RBFOX1: variants seen among roughly 807,000 people sequenced by gnomAD.
The protein encoded by RBFOX1 is RNA binding fox-1 homolog 1, also known as RNA binding protein fox-1 homolog 1.
Under a neutral mutation model 57.7 loss-of-function variants are expected in RBFOX1, and 8 were observed. That is an observed-to-expected ratio of 0.14 (90% CI 0.08 to 0.25). The LOEUF (loss-of-function observed/expected upper bound fraction) is 0.25, where lower values mean the gene tolerates loss of function less well. RBFOX1 is among the 10% of genes least tolerant of loss of function. RBFOX1 has a pLI of 1.00. For missense variants in RBFOX1, 611 were observed against 548.5 expected, an observed-to-expected ratio of 1.11 and a Z score of -1.14; for synonymous variants, 326 against 222.4, an observed-to-expected ratio of 1.47 and a Z score of -4.15.
chr16:5,721,601 G>C (rs940457093), intron 3 of RBFOX1, among the ~76,000 whole-genome samples: 3 of 152,084 alleles, frequency 2.0e-5, no homozygotes, highest in African/African-American at 4.8e-5. Flanking sequence ...ACCTGGGAGT[G>C]TTTTCATAGA....
intron 4 of RBFOX1, among the ~76,000 whole-genome samples, chr16:7,367,057 G>GTT (rs765458670): frequency 6.7e-6 from 1 of 149,076 alleles, no homozygotes. Context: ...AAACCCCCCA[G>GTT]TTTTTTTTTT....
intron 14 of RBFOX1, among the ~76,000 whole-genome samples, chr16:7,698,954 A>G (rs1330108814): frequency 6.6e-6 from 1 of 152,206 alleles, no homozygotes; most frequent in Non-Finnish European, 1.5e-5. Context: ...TGCTGTATCC[A>G]TGCATGCAGA....
intron 3 of RBFOX1, among the ~76,000 whole-genome samples, chr16:6,786,383 C>T (rs115182124): frequency 4.6e-5 from 7 of 152,120 alleles, no homozygotes; most frequent in African/African-American, 1.7e-4. Context: ...CAGCATTATT[C>T]TTCTTGTACC....
At chr16:7,104,911 C>G (rs1481465733) in intron 4 of RBFOX1, among the ~76,000 whole-genome samples, 1 of 151,988 alleles carries the variant, frequency 6.6e-6, no homozygotes, top group Non-Finnish European at 1.5e-5. Flanking sequence ...CAACCATATT[C>G]AGAAAATATA....
At chr16:5,811,810 T>G (rs925977331) in intron 3 of RBFOX1, among the ~76,000 whole-genome samples, 1 of 152,190 alleles carries the variant, frequency 6.6e-6, no homozygotes, top group East Asian at 1.9e-4. Context: ...ATTCACCTAT[T>G]GTTTCTATGA....
chr16:7,133,151 T>G (rs930319534), intron 4 of RBFOX1, among the ~76,000 whole-genome samples: 1 of 152,180 alleles, frequency 6.6e-6, no homozygotes, highest in African/African-American at 2.4e-5. Context: ...ATCCATGACC[T>G]AGAAAGAGGT....
chr16:7,542,729 T>G (rs2083292520), intron 5 of RBFOX1, among the ~76,000 whole-genome samples: 1 of 133,058 alleles, frequency 7.5e-6, no homozygotes, highest in Non-Finnish European at 1.6e-5. Context: ...AAGCCAGGCA[T>G]GGTGGCACGC....
chr16:5,598,833 C>T, intron 2 of RBFOX1: 1 of 1,246,532 alleles, frequency 8.0e-7, no homozygotes, highest in Admixed American at 2.6e-5. Flanking sequence ...CTGGGTTACT[C>T]AAGGTTAGAA....
intron 4 of RBFOX1, among the ~76,000 whole-genome samples, chr16:7,210,797 T>C (rs1440693332): frequency 4.6e-5 from 7 of 152,042 alleles, no homozygotes; most frequent in African/African-American, 1.7e-4. Flanking sequence ...GAAAAGTACA[T>C]CTGTGTGTGA....
At chr16:6,711,020 A>G (rs2063620363) in intron 3 of RBFOX1, among the ~76,000 whole-genome samples, 1 of 152,184 alleles carries the variant, frequency 6.6e-6, no homozygotes, top group African/African-American at 2.4e-5. Context: ...TTGCAAGTGA[A>G]ATGATACAAT....
intron 2 of RBFOX1, among the ~76,000 whole-genome samples, chr16:5,489,634 C>G (rs538125263): frequency 3.3e-5 from 5 of 152,252 alleles, no homozygotes; most frequent in African/African-American, 4.8e-5. Flanking sequence ...ATTATTGTTG[C>G]TATAATTATT....
At chr16:7,428,113 C>T (rs531629966) in intron 4 of RBFOX1, among the ~76,000 whole-genome samples, 80 of 152,242 alleles carry the variant, frequency 5.3e-4, no homozygotes, top group African/African-American at 1.6e-3. Flanking sequence ...TCATTTCCTC[C>T]AAATCTGAAC....
At chr16:6,300,664 C>A (rs530737129) in intron 1 of RBFOX1, among the ~76,000 whole-genome samples, 1 of 152,308 alleles carries the variant, frequency 6.6e-6, no homozygotes, top group East Asian at 1.9e-4. Flanking sequence ...GAAAACTATT[C>A]CTGATTCCCT....
intron 3 of RBFOX1, among the ~76,000 whole-genome samples, chr16:6,999,722 A>G (rs1315030377): frequency 6.6e-6 from 1 of 152,096 alleles, no homozygotes; most frequent in Non-Finnish European, 1.5e-5. Context: ...TATATTGGAA[A>G]AAATGAAACT....
At chr16:6,513,894 G>A (rs2096310196) in intron 2 of RBFOX1, among the ~76,000 whole-genome samples, 1 of 152,162 alleles carries the variant, frequency 6.6e-6, no homozygotes, top group Non-Finnish European at 1.5e-5. Context: ...ACCTGAGGGG[G>A]CGTCAGGCTG....
At chr16:6,532,403 C>T (rs1193728392) in intron 2 of RBFOX1, among the ~76,000 whole-genome samples, 1 of 152,176 alleles carries the variant, frequency 6.6e-6, no homozygotes, top group Non-Finnish European at 1.5e-5. Context: ...GTACTCCACT[C>T]CAGGGTGGCC....
intron 3 of RBFOX1, among the ~76,000 whole-genome samples, chr16:6,936,702 T>C (rs1186336327): frequency 1.3e-5 from 2 of 151,948 alleles, no homozygotes; most frequent in African/African-American, 4.8e-5. Context: ...TAGCATTAGA[T>C]TAATATTAAA....
At chr16:6,877,370 C>G (rs530396388) in intron 3 of RBFOX1, among the ~76,000 whole-genome samples, 1 of 152,148 alleles carries the variant, frequency 6.6e-6, no homozygotes, top group African/African-American at 2.4e-5. Flanking sequence ...ATGTAATTCT[C>G]TAATAACTGA....
intron 4 of RBFOX1, among the ~76,000 whole-genome samples, chr16:7,433,159 C>T (rs896649388): frequency 6.6e-6 from 1 of 152,232 alleles, no homozygotes; most frequent in Non-Finnish European, 1.5e-5. Flanking sequence ...ATCCTCCCTT[C>T]TTTCCTTCTG....
Sources: gnomAD v4.1 joint callset for allele counts (sites outside exome capture counted in the v4.1 genomes callset) on GRCh38, gnomAD v4.1.1 for gene constraint, MANE v1.5 for transcripts, NCBI Gene and HGNC (gene_info 2026-07-23, HGNC 2026-07-21) for gene names.